ABCD3: variants seen among roughly 807,000 people sequenced by gnomAD.
ABCD3 encodes the protein ATP binding cassette subfamily D member 3, also known as ATP-binding cassette sub-family D member 3.
ABCD3 carries 41 observed loss-of-function variants against 105.5 expected under a neutral mutation model. The ratio of observed to expected loss-of-function variants is 0.39; its 90% CI spans 0.30 to 0.50. The LOEUF is 0.50. Ranked by LOEUF, ABCD3 falls within the 20% of genes least tolerant of loss-of-function variation. The pLI is 0.84. For synonymous variants in ABCD3, 258 were observed against 269.0 expected (o/e 0.96, Z 0.40); for missense variants, 622 against 806.3 (o/e 0.77, Z 2.77).
intron 16 of ABCD3, among the ~76,000 whole-genome samples, chr1:94,494,411 C>G (rs1250810479): frequency 1.3e-5 from 2 of 152,152 alleles, no homozygotes; most frequent in East Asian, 3.9e-4. Context: ...TAATCTCTTT[C>G]TGACTTAAAG....
intron 15 of ABCD3, among the ~76,000 whole-genome samples, chr1:94,490,413 CT>C (rs1440405939): frequency 3.3e-5 from 5 of 151,940 alleles, no homozygotes; most frequent in African/African-American, 4.8e-5. Flanking sequence ...CTCTAACCCC[CT>C]GGCAACCACC....
chr1:94,387,597 C>G, the ABCD3 span, among the ~76,000 whole-genome samples: 1 of 152,294 alleles, frequency 6.6e-6, no homozygotes, highest in Non-Finnish European at 1.5e-5. Context: ...CTTAGCAAAA[C>G]CAAACCCATT....
the ABCD3 span, among the ~76,000 whole-genome samples, chr1:94,387,211 C>G: frequency 6.6e-6 from 1 of 152,162 alleles, no homozygotes; most frequent in East Asian, 1.9e-4. Flanking sequence ...TGCCATTTGC[C>G]ACTCTGACAC....
At chr1:94,440,383 A>G (rs1035712316) in intron 1 of ABCD3, among the ~76,000 whole-genome samples, 4 of 152,120 alleles carry the variant, frequency 2.6e-5, no homozygotes, top group Admixed American at 1.3e-4. Context: ...CTTTGTTCCT[A>G]TGGTCTCACA....
intron 20 of ABCD3, among the ~76,000 whole-genome samples, chr1:94,501,075 A>AGT (rs1469841196): frequency 4.6e-5 from 7 of 152,170 alleles, no homozygotes; most frequent in East Asian, 1.9e-4. Context: ...ACCAAGGAAC[A>AGT]GTGTGTGTGT....
intron 1 of ABCD3, among the ~76,000 whole-genome samples, chr1:94,432,915 C>T (rs2100892082): frequency 6.6e-6 from 1 of 151,044 alleles, no homozygotes. Flanking sequence ...AGTGCAGTGG[C>T]ACTATCTCGG....
upstream of ABCD3, among the ~76,000 whole-genome samples, chr1:94,417,490 CT>C (rs1659067945): frequency 1.3e-5 from 2 of 152,230 alleles, no homozygotes; most frequent in African/African-American, 4.8e-5. Flanking sequence ...ATAACAATTC[CT>C]GCAACATAGG....
At chr1:94,433,627 A>G (rs1298199239) in intron 1 of ABCD3, among the ~76,000 whole-genome samples, 1 of 127,170 alleles carries the variant, frequency 7.9e-6, no homozygotes, top group Non-Finnish European at 1.7e-5. Context: ...CACAATGGTC[A>G]GTTTTTTTTT....
At chr1:94,488,695 A>G (rs1649385937) in intron 13 of ABCD3, among the ~76,000 whole-genome samples, 1 of 152,014 alleles carries the variant, frequency 6.6e-6, no homozygotes, top group African/African-American at 2.4e-5. Context: ...AGAAGTTGTT[A>G]ACTACTATGA....
intron 5 of ABCD3, among the ~76,000 whole-genome samples, 191 bp from the exon 6 acceptor site, chr1:94,474,952 T>C (rs542205756): frequency 2.0e-5 from 3 of 152,240 alleles, no homozygotes; most frequent in Non-Finnish European, 4.4e-5. Flanking sequence ...AACTTTAACA[T>C]AGAATAATTC....
intron 5 of ABCD3, among the ~76,000 whole-genome samples, chr1:94,474,440 A>G (rs1231010157): frequency 2.0e-5 from 3 of 152,164 alleles, no homozygotes; most frequent in South Asian, 2.1e-4. Flanking sequence ...TGGCGCTGTA[A>G]GAATGTAATA....
At chr1:94,415,045 G>T (rs552604135), upstream of ABCD3, among the ~76,000 whole-genome samples, 2 of 152,254 alleles carry the variant, frequency 1.3e-5, no homozygotes, top group African/African-American at 4.8e-5. Flanking sequence ...CTGGTGGGAG[G>T]CCTCAGTTCC....
chr1:94,504,207 G>A (rs936309917), intron 20 of ABCD3, among the ~76,000 whole-genome samples: 7 of 151,624 alleles, frequency 4.6e-5, no homozygotes, highest in Non-Finnish European at 8.8e-5. Context: ...TGCTGCGCCC[G>A]GCCAGGTACA....
the ABCD3 span, among the ~76,000 whole-genome samples, chr1:94,390,657 C>T: frequency 6.6e-6 from 1 of 152,162 alleles, no homozygotes; most frequent in Non-Finnish European, 1.5e-5. Flanking sequence ...CAATTCCTCC[C>T]ATATGTGTTA....
chr1:94,389,136 G>T, the ABCD3 span, among the ~76,000 whole-genome samples: 5 of 152,318 alleles, frequency 3.3e-5, no homozygotes, highest in Admixed American at 3.3e-4. Flanking sequence ...ATAGAATGTA[G>T]TAGGCCCAGA....
intron 2 of ABCD3, 47 bp downstream of exon 2, chr1:94,458,690 C>T (rs1647712549): frequency 1.9e-6 from 3 of 1,552,444 alleles, no homozygotes; most frequent in Non-Finnish European, 2.7e-6. Context: ...GCATTTATTT[C>T]ATTTATTTTG....
chr1:94,417,792 T>A (rs1403239729), upstream of ABCD3, among the ~76,000 whole-genome samples: 3 of 152,236 alleles, frequency 2.0e-5, no homozygotes, highest in Non-Finnish European at 4.4e-5. Flanking sequence ...AGGGTGATGA[T>A]CCCGATCTAC....
At chr1:94,516,953 C>A in intron 22 of ABCD3, 99 bp from the exon 23 acceptor site, 2 of 857,576 alleles carry the variant, frequency 2.3e-6, no homozygotes. Flanking sequence ...AGATTTAGCT[C>A]CCTTAAAATA....
At chr1:94,437,364 A>G (rs946639176) in intron 1 of ABCD3, among the ~76,000 whole-genome samples, 3 of 152,224 alleles carry the variant, frequency 2.0e-5, no homozygotes, top group Non-Finnish European at 4.4e-5. Context: ...GCCAATACAC[A>G]TTTACCATAG....
Sources: gnomAD v4.1 joint callset for allele counts (sites outside exome capture counted in the v4.1 genomes callset) on GRCh38, gnomAD v4.1.1 for gene constraint, MANE v1.5 for transcripts, NCBI Gene and HGNC (gene_info 2026-07-23, HGNC 2026-07-21) for gene names.